GABRA1: variants seen among roughly 807,000 people sequenced by gnomAD.
GABRA1 encodes the protein gamma-aminobutyric acid type A receptor subunit alpha1.
Under a neutral mutation model 48.9 loss-of-function variants are expected in GABRA1, and 9 were observed. That is an observed-to-expected ratio of 0.18 (90% CI 0.11 to 0.32). The LOEUF is 0.32. Among genes scored for constraint, GABRA1 ranks in the 10% least tolerant of loss-of-function variants. GABRA1 has a pLI of 1.00. For missense variants in GABRA1, 285 were observed against 553.8 expected (o/e 0.51, Z 4.87); for synonymous variants, 210 against 198.7 (o/e 1.06, Z -0.48).
At chr5:161,893,041 AT>A (rs377522109) in intron 8 of GABRA1, among the ~76,000 whole-genome samples, 3 of 140,548 alleles carry the variant, frequency 2.1e-5, no homozygotes, top group Non-Finnish European at 3.1e-5. Context: ...AATAATAATA[AT>A]AATAATAAAA....
Position 161,898,469 on chromosome 5 carries a change from G to A in GABRA1, c.*1047G>A, listed in dbSNP as rs753466444. On this transcript the variant is annotated 3_prime_UTR_variant, in exon 10 of 10. Transcript: ENST00000393943. Reference sequence around the variant, plus strand: ...GTACATTTTTTACTTTTTTAAAATTGTGTTCTTAAAATATTGTGTAAGAAT... The same window carrying A: ...GTACATTTTTTACTTTTTTAAAATTATGTTCTTAAAATATTGTGTAAGAAT... The A allele has an allele frequency of 1.3e-5, 2 of 152,320 alleles. No individual in the cohort carries two copies. Among genetic ancestry groups the A allele is most frequent in the Non-Finnish European group, 2.9e-5 (2 of 67,952 alleles). The allele number at this position is 152,320 out of a possible 1,614,324, so 9.4% of individuals were successfully genotyped here. A position where few individuals can be genotyped will look rare whatever the true frequency, so the allele number is the denominator to read the frequency against.
rs1755443698 is a variant in GABRA1 at position 161,897,854 on chromosome 5, T to C, written c.*432T>C. The C allele has an allele frequency of 6.4e-6, 1 of 156,708 alleles. No homozygotes were observed. Among genetic ancestry groups the C allele is most frequent in the Non-Finnish European group, 1.4e-5 (1 of 71,156 alleles). 9.7% of individuals were successfully genotyped at this position (156,708 alleles called of 1,614,324 possible). Reference sequence around the variant, plus strand: ...CAAAGGGTAAATTATAAATGTTTCATGAAGAAAAAATTTTAAAAATCTACG... The same window carrying C: ...CAAAGGGTAAATTATAAATGTTTCACGAAGAAAAAATTTTAAAAATCTACG... On this transcript the variant is annotated 3_prime_UTR_variant, in exon 10 of 10. Coordinates refer to ENST00000393943, the MANE Select transcript of GABRA1 (RefSeq NM_001127644.2).
chr5:161,893,964 T>C (rs1755242206), intron 8 of GABRA1, among the ~76,000 whole-genome samples: 1 of 152,208 alleles, frequency 6.6e-6, no homozygotes, highest in Non-Finnish European at 1.5e-5. Flanking sequence ...TCTCAACTGC[T>C]CTTAATTTAT....
chr5:161,873,300 C>A lies in GABRA1; in HGVS notation c.439C>A (p.Arg147=), dbSNP rs139163545. The change falls in exon 5 of 10, where the codon CGG becomes AGG. Residue 147 remains arginine, a synonymous_variant. Transcript: ENST00000393943. ...CATGACCATGCCCAACAAACTCCTG[C>A]GGATCACAGAGGATGGCACCTTGCT... ...HNMTMPNKLL[R]ITEDGTLLYT... The A allele has an allele frequency of 1.2e-6, 2 of 1,613,736 alleles. No individual in the cohort carries two copies. The highest frequency in any genetic ancestry group is 2.2e-5 in the South Asian group (2 of 91,080).
At position 161,898,811 on chromosome 5, in the gene GABRA1, G is replaced by A. The variant is rs1446662150; in HGVS notation, c.*1389G>A. 6.6e-6 allele frequency: 1 copy of A among 152,504 alleles called. No individual in the cohort carries two copies. Among genetic ancestry groups the A allele is most frequent in the Non-Finnish European group, 1.5e-5 (1 of 67,974 alleles). 9.4% of individuals were successfully genotyped at this position (152,504 alleles called of 1,614,324 possible). A position where few individuals can be genotyped will look rare whatever the true frequency, so the allele number is the denominator to read the frequency against. ...TTGCTAATACCAACTATTTCAATAA[G>A]TGTTGTACCATATGTAGCATTAAAT... is the stretch of plus-strand genomic sequence containing the variant. On this transcript the variant is annotated 3_prime_UTR_variant, in exon 10 of 10. Transcript: ENST00000393943.
intron 8 of GABRA1, among the ~76,000 whole-genome samples, chr5:161,894,819 A>G (rs539162781): frequency 6.6e-6 from 1 of 152,282 alleles, no homozygotes; most frequent in East Asian, 1.9e-4. Flanking sequence ...GTAAACTAAA[A>G]TGGGCTAACT....
chr5:161,851,956 A>G (rs1757461991), intron 2 of GABRA1, among the ~76,000 whole-genome samples: 1 of 152,152 alleles, frequency 6.6e-6, no homozygotes, highest in South Asian at 2.1e-4. Flanking sequence ...AAAATCAGGT[A>G]ATGTAACTGG....
rs1450383790 is a variant in GABRA1 at position 161,857,927 on chromosome 5, A to G, written c.187+3657A>G. ...ACCTAAAGCATGGTCAGTGTAGAAG[A>G]ATAAAATAAGGAAAAAAGGATAAAA... On this transcript the variant is annotated intron_variant, in intron 3 of 9. Transcript: ENST00000393943. Among the ~76,000 whole-genome samples, 10 of 151,516 alleles carry G rather than the reference A, an allele frequency of 6.6e-5. No individual in the cohort carries two copies. In the East Asian group the frequency reaches 1.9e-3, roughly 29 times the overall value.
intron 8 of GABRA1, among the ~76,000 whole-genome samples, chr5:161,893,961 T>C (rs930293273): frequency 2.6e-5 from 4 of 152,218 alleles, no homozygotes; most frequent in African/African-American, 7.2e-5. Context: ...TCTTCTCAAC[T>C]GCTCTTAATT....
At chr5:161,885,841 G>C (rs956272908) in intron 7 of GABRA1, among the ~76,000 whole-genome samples, 15 of 152,102 alleles carry the variant, frequency 9.9e-5, no homozygotes, top group African/African-American at 3.4e-4. Context: ...AATCCAATAT[G>C]TCTTTATTAT....
chr5:161,850,464 GAA>G, intron 1 of GABRA1: 1 of 475,810 alleles, frequency 2.1e-6, no homozygotes, highest in Non-Finnish European at 3.7e-6. Context: ...TAAACAACAA[GAA>G]GAGAATAAAC....
intron 2 of GABRA1, among the ~76,000 whole-genome samples, chr5:161,852,802 T>C (rs576776215): frequency 6.6e-6 from 1 of 152,078 alleles, no homozygotes; most frequent in Non-Finnish European, 1.5e-5. Flanking sequence ...CTTTATCAAA[T>C]TAAAACTTTA....
chr5:161,887,381 A>G (rs898733352), intron 7 of GABRA1, among the ~76,000 whole-genome samples: 7 of 152,076 alleles, frequency 4.6e-5, no homozygotes, highest in African/African-American at 1.7e-4. Flanking sequence ...AGGGGCTTCC[A>G]TTTATGAAGC....
chr5:161,848,871 C>G (rs2113283774), intron 1 of GABRA1: 1 of 422,736 alleles, frequency 2.4e-6, no homozygotes, highest in East Asian at 8.2e-5. Context: ...GAAAACCTGT[C>G]TCACTGTTCC....
intron 6 of GABRA1, 38 bp downstream of exon 6, chr5:161,875,680 CA>C: frequency 7.0e-7 from 1 of 1,432,196 alleles, no homozygotes; most frequent in African/African-American, 1.4e-5. Context: ...GATTGTAAGT[CA>C]TTAAGCAAGA....
In GABRA1 at chr5:161,897,565, G is replaced by C. The variant is rs1169019303; in HGVS notation, c.*143G>C. Reference sequence around the variant, plus strand: ...ATTTTCATAATTCATTTAAGAACAAGAGACCCCTGTCTGGCAGTCTGGAGC... The same window carrying C: ...ATTTTCATAATTCATTTAAGAACAACAGACCCCTGTCTGGCAGTCTGGAGC... On this transcript the variant is annotated 3_prime_UTR_variant, in exon 10 of 10. Coordinates refer to ENST00000393943, the MANE Select transcript of GABRA1 (RefSeq NM_001127644.2). The C allele has an allele frequency of 2.4e-6, 2 of 829,370 alleles. No individual in the cohort carries two copies. The highest frequency in any genetic ancestry group is 3.8e-6 in the Non-Finnish European group (2 of 525,756). The allele number at this position is 829,370 out of a possible 1,614,324, so 51.4% of individuals were successfully genotyped here.
chr5:161,873,703 G>C (rs1182381788), intron 5 of GABRA1, among the ~76,000 whole-genome samples: 1 of 151,772 alleles, frequency 6.6e-6, no homozygotes, highest in South Asian at 2.1e-4. Context: ...TAAAAATGAA[G>C]TAATAAAAAA....
At chr5:161,882,449 G>A (rs958430740) in intron 6 of GABRA1, 109 bp from the exon 7 acceptor site, 4 of 1,035,480 alleles carry the variant, frequency 3.9e-6, no homozygotes, top group Non-Finnish European at 6.0e-6. Context: ...TTCCTAGCCT[G>A]CCCTCTGGAA....
chr5:161,859,917 T>C (rs989113583), intron 3 of GABRA1, among the ~76,000 whole-genome samples: 2 of 151,780 alleles, frequency 1.3e-5, no homozygotes, highest in African/African-American at 4.8e-5. Context: ...TAGCCTTTAG[T>C]ATTATGTTTT....
Sources: gnomAD v4.1 joint callset for allele counts (sites outside exome capture counted in the v4.1 genomes callset) on GRCh38, gnomAD v4.1.1 for gene constraint, MANE v1.5 for transcripts, NCBI Gene and HGNC (gene_info 2026-07-23, HGNC 2026-07-21) for gene names.